The following ICAM3 variants were observed in gnomAD, a reference collection of about 807,000 sequenced individuals.
ICAM3 encodes intercellular adhesion molecule 3.
ICAM3 carries 54 observed loss-of-function variants against 43.6 expected under a neutral mutation model. The ratio of observed to expected loss-of-function variants is 1.24; its 90% confidence interval spans 0.99 to 1.55. ICAM3 has a LOEUF of 1.55. ICAM3 is among the 40% of genes most tolerant of loss of function. The pLI is 0.00. For synonymous variants in ICAM3, 306 were observed against 312.6 expected (o/e 0.98, Z 0.22); for missense variants, 715 against 717.9 (o/e 1.00, Z 0.05).
At chr19:10,339,488 G>T in intron 1 of ICAM3, 51 bp downstream of exon 1, 1 of 1,506,088 alleles carries the variant, frequency 6.6e-7, no homozygotes, top group Non-Finnish European at 9.2e-7. Context: ...ACCCTCTACT[G>T]ATCCCCAAAA....
At chr19:10,339,069 G>A in intron 1 of ICAM3, 121 bp from the exon 2 acceptor site, 1 of 1,071,536 alleles carries the variant, frequency 9.3e-7, no homozygotes, top group East Asian at 2.5e-5. Context: ...TGCCTTCATG[G>A]TCCAGTGGGA....
In ICAM3 at chr19:10,334,492, G is replaced by A; in HGVS notation, c.1192+36C>T. ...GGAGCGTCTAATCTTTCCAGGGCAG[G>A]GGTGGAGGGATTAAAGGTCAGGGTG... On this transcript the variant is annotated intron_variant, in intron 5 of 6. Transcript: ENST00000160262. This position sits in a 1 kb window ranked among gnomAD's most constrained non-coding sequence, Gnocchi z 5.5. The A allele has an allele frequency of 1.2e-6, 2 of 1,602,866 alleles. No homozygotes were observed. The highest frequency in any genetic ancestry group is 1.7e-6 in the Non-Finnish European group (2 of 1,172,648).
Position 10,339,621 on chromosome 19 carries a change from A to G in ICAM3, c.-7T>C, listed in dbSNP as rs1260166807. On this transcript the variant is annotated 5_prime_UTR_variant, in exon 1 of 7. Transcript: ENST00000160262. The stretch of plus-strand genomic sequence containing the variant: ...ATGGTACCATGGTGGCCATTCTGAC[A>G]GAGGAAGGTGCCTTCCTGAGGTGCC... The G allele has an allele frequency of 1.2e-6, 2 of 1,612,886 alleles. No individual in the cohort carries two copies. The highest frequency in any genetic ancestry group is 2.2e-5 in the South Asian group (2 of 90,952).
rs141585231 is a variant in ICAM3, at chr19:10,335,074, G to A, written c.929C>T (p.Thr310Met). 6.2e-7 allele frequency: 1 copy of A among 1,612,450 alleles called. No homozygotes were observed. Residue 310 changes from threonine to methionine, a missense_variant, in exon 4 of 7, where the codon ACG (threonine) becomes ATG (methionine). Physicochemically the swap from Thr to Met is moderately conservative, Grantham distance 81. Coordinates refer to ENST00000160262, the MANE Select transcript of ICAM3 (RefSeq NM_002162.5). ...GERREARENL[T>M]VFSFLGPIVN... is the part of the protein sequence containing the mutation. ...CCCACGCCTCCTCTTACTAAAGACC[G>A]TCAAGTTCTCCCGGGCCTCCCGTCT...
chr19:10,335,294 A>G lies in ICAM3; in HGVS notation c.709T>C (p.Trp237Arg), dbSNP rs2040582975. The G allele has an allele frequency of 6.2e-7, 1 of 1,612,706 alleles. No individual in the cohort carries two copies. Among genetic ancestry groups the G allele is most frequent in the Non-Finnish European group, 8.5e-7 (1 of 1,179,898 alleles). Residue 237 changes from tryptophan (W) to arginine (R), a missense_variant, in exon 4 of 7, where the codon TGG becomes CGG. By Grantham distance (101) the Trp-to-Arg change is moderately radical. Coordinates refer to ENST00000160262, the MANE Select transcript of ICAM3 (RefSeq NM_002162.5). ...CCGTCTAGGGTGCAGTCCACCGGCC[A>G]CGACGTTTCCACCTCCAAGAACCGG... is the stretch of plus-strand genomic sequence containing the variant. Reference protein sequence around the residue: ...APRFLEVETSWPVDCTLDGLF... With the variant: ...APRFLEVETSRPVDCTLDGLF...
At chr19:10,338,621 A>G in intron 2 of ICAM3, 61 bp downstream of exon 2, 2 of 1,548,096 alleles carry the variant, frequency 1.3e-6, no homozygotes, top group Non-Finnish European at 1.8e-6. Context: ...CTCCTGAGCC[A>G]TTGGCCACTT....
At chr19:10,337,916 G>A (rs759316347) in intron 2 of ICAM3, among the ~76,000 whole-genome samples, 1 of 152,146 alleles carries the variant, frequency 6.6e-6, no homozygotes, top group Non-Finnish European at 1.5e-5. Flanking sequence ...TTGGGGCCAG[G>A]CGCAGTGGCT....
intron 2 of ICAM3, chr19:10,336,213 A>G: frequency 2.0e-6 from 1 of 492,800 alleles, no homozygotes; most frequent in Admixed American, 3.4e-5. Flanking sequence ...CTGTTCTCAA[A>G]GATGGCACAA....
chr19:10,335,606 C>A, intron 3 of ICAM3, 65 bp downstream of exon 3: 2 of 1,472,266 alleles, frequency 1.4e-6, no homozygotes, highest in South Asian at 2.5e-5. Flanking sequence ...TCAGGAACCC[C>A]AAGGTCAGGG....
intron 2 of ICAM3, among the ~76,000 whole-genome samples, chr19:10,336,977 T>G (rs1278632853): frequency 1.4e-5 from 2 of 139,724 alleles, no homozygotes; most frequent in East Asian, 2.2e-4. Context: ...GGGCATGGTG[T>G]CACACGCCTG....
chr19:10,338,403 C>CAAA (rs201095769), intron 2 of ICAM3, among the ~76,000 whole-genome samples: 2 of 126,458 alleles, frequency 1.6e-5, no homozygotes, highest in Non-Finnish European at 3.4e-5. Flanking sequence ...AACTCTGTCT[C>CAAA]AAAAAAAAAA....
At chr19:10,339,066 A>G (rs751533826) in intron 1 of ICAM3, 118 bp from the exon 2 acceptor site, 27 of 1,105,890 alleles carry the variant, frequency 2.4e-5, no homozygotes, top group Non-Finnish European at 3.1e-5. Context: ...TCCTGCCTTC[A>G]TGGTCCAGTG....
chr19:10,334,702 C>A lies in ICAM3; in HGVS notation c.1018G>T (p.Ala340Ser). 6.2e-7 allele frequency: 1 copy of A among 1,613,292 alleles called. No homozygotes were observed. ...STVTVSCMAG[A>S]RVQVTLDGVP... ...CCGTCCAGCGTGACCTGGACTCGAG[C>A]CCCAGCCATGCAACTCACGGTCACT... is the stretch of plus-strand genomic sequence containing the variant. The change falls in exon 5 of 7, where the codon GCT becomes TCT. Residue 340 changes from alanine to serine, a missense_variant. Physicochemically the swap from Ala to Ser is moderately conservative, Grantham distance 99. Coordinates refer to ENST00000160262, the MANE Select transcript of ICAM3 (RefSeq NM_002162.5). This position sits in a 1 kb window ranked among gnomAD's most constrained non-coding sequence, Gnocchi z 5.5.
At position 10,335,287 on chromosome 19, in the gene ICAM3, A is replaced by C. The variant is rs898360978; in HGVS notation, c.716T>G (p.Val239Gly). ...AAAAAGCCCGTCTAGGGTGCAGTCCACCGGCCACGACGTTTCCACCTCCAA... is the reference window on the plus strand; with the variant it reads ...AAAAAGCCCGTCTAGGGTGCAGTCCCCCGGCCACGACGTTTCCACCTCCAA... ...RFLEVETSWP[V>G]DCTLDGLFPA... Residue 239 changes from valine (V) to glycine (G), a missense_variant, in exon 4 of 7, where the codon GTG becomes GGG. Coordinates refer to ENST00000160262, the MANE Select transcript of ICAM3 (RefSeq NM_002162.5). 3 of 1,612,726 alleles carry C rather than the reference A, an allele frequency of 1.9e-6. No individual in the cohort carries two copies. The highest frequency in any genetic ancestry group is 2.5e-6 in the Non-Finnish European group (3 of 1,179,870).
At chr19:10,335,415 T>TC (rs1188430054) in intron 3 of ICAM3, 62 bp from the exon 4 acceptor site, 8 of 1,419,356 alleles carry the variant, frequency 5.6e-6, no homozygotes, top group South Asian at 2.7e-5. Context: ...GACACCCTCA[T>TC]CCCCCCCAGT....
Position 10,338,784 on chromosome 19 carries a change from C to T in ICAM3, c.241G>A (p.Ala81Thr). Residue 81 changes from alanine (A) to threonine (T), a missense_variant, in exon 2 of 7, where the codon GCA becomes ACA. By Grantham distance (58) the Ala-to-Thr change is moderately conservative (BLOSUM62 0). Transcript: ENST00000160262. ...GTCACGTTGCTGAGATTGAAGGCTG[C>T]CCAGCCCATGCCACTGGCCACCAGC... The part of the protein sequence containing the change: ...KELVASGMGW[A>T]AFNLSNVTGN... The T allele has an allele frequency of 6.2e-7, 1 of 1,614,166 alleles. No individual in the cohort carries two copies. The highest frequency in any genetic ancestry group is 8.5e-7 in the Non-Finnish European group (1 of 1,180,018).
At position 10,334,544 on chromosome 19, in the gene ICAM3, G is replaced by A; in HGVS notation, c.1176C>T (p.Val392=). ...DGEFLHRNSS[V]QLRVLYGPKI... The stretch of plus-strand genomic sequence containing the variant: ...CCGACTCACACAGGACTCGCAGCTG[G>A]ACGCTACTGTTCCTGTGCAAGAACT... The change falls in exon 5 of 7, where the codon GTC becomes GTT. Residue 392 remains valine (V), a synonymous_variant. Transcript: ENST00000160262. The surrounding 1 kb of genome is among the most constrained non-coding windows in gnomAD (Gnocchi z 5.5). 1 of 1,610,936 alleles carries A rather than the reference G, an allele frequency of 6.2e-7. No homozygotes were observed. Among genetic ancestry groups the A allele is most frequent in the Non-Finnish European group, 8.5e-7 (1 of 1,177,796 alleles).
Position 10,333,829 on chromosome 19 carries a change from C to G in ICAM3, c.*28G>C, listed in dbSNP as rs377604127. 8.1e-6 allele frequency: 13 copies of G among 1,608,488 alleles called. No homozygotes were observed. ...GGAATCTGAGGGCACAGCCAAGCCC[C>G]CGCCAACTTTGATCCCGGATCCCAG... On this transcript the variant is annotated 3_prime_UTR_variant, in exon 7 of 7. Transcript: ENST00000160262. This position sits in a 1 kb window ranked among gnomAD's most constrained non-coding sequence, Gnocchi z 4.2.
rs1034081542 is a variant in ICAM3 at position 10,334,494 on chromosome 19, G to A, written c.1192+34C>T. On this transcript the variant is annotated intron_variant, in intron 5 of 6. Transcript: ENST00000160262. The surrounding 1 kb of genome is among the most constrained non-coding windows in gnomAD (Gnocchi z 5.5). The stretch of plus-strand genomic sequence containing the variant: ...AGCGTCTAATCTTTCCAGGGCAGGG[G>A]TGGAGGGATTAAAGGTCAGGGTGAC... 1 of 1,602,880 alleles carries A rather than the reference G, an allele frequency of 6.2e-7. No individual in the cohort carries two copies. The highest frequency in any genetic ancestry group is 8.5e-7 in the Non-Finnish European group (1 of 1,172,736).
Sources: gnomAD v4.1 joint callset for allele counts (sites outside exome capture counted in the v4.1 genomes callset) on GRCh38, gnomAD v4.1.1 for gene constraint, Gnocchi (gnomAD v3.1) non-coding constraint, MANE v1.5 for transcripts, NCBI Gene and HGNC (gene_info 2026-07-23, HGNC 2026-07-21) for gene names.